The following GOLM2 variants were observed in gnomAD, a reference collection of about 807,000 sequenced individuals.
GOLM2 encodes the protein protein GOLM2.
In GOLM2, 26 loss-of-function variants were observed where a neutral mutation model predicts 55.9. That is an observed-to-expected ratio of 0.47 (90% CI 0.34 to 0.65). The LOEUF (loss-of-function observed/expected upper bound fraction) is 0.65, where lower values mean the gene tolerates loss of function less well. GOLM2 is among the 30% of genes least tolerant of loss of function. The probability of loss-of-function intolerance (pLI) is 0.01; values close to 1 mark genes in which losing one functional copy is unlikely to be tolerated. For missense variants in GOLM2, 486 were observed against 531.8 expected, an observed-to-expected ratio of 0.91 and a Z score of 0.85; for synonymous variants, 165 against 194.6, an observed-to-expected ratio of 0.85 and a Z score of 1.27.
intron 6 of GOLM2, among the ~76,000 whole-genome samples, chr15:44,345,054 G>T (rs528531689): frequency 1.6e-4 from 24 of 151,198 alleles, no homozygotes; most frequent in African/African-American, 5.6e-4. Flanking sequence ...CTCGTGATCC[G>T]CCTGCCTCGG....
chr15:44,371,742 C>T (rs1329111936), intron 6 of GOLM2, among the ~76,000 whole-genome samples: 1 of 152,098 alleles, frequency 6.6e-6, no homozygotes, highest in Non-Finnish European at 1.5e-5. Context: ...CTCTGAAGTG[C>T]AAGTCAACTA....
At chr15:44,335,386 C>T (rs2079049920) in intron 4 of GOLM2, among the ~76,000 whole-genome samples, 1 of 152,060 alleles carries the variant, frequency 6.6e-6, no homozygotes, top group Non-Finnish European at 1.5e-5. Flanking sequence ...TTAATATTGT[C>T]CATTCATAGA....
chr15:44,303,840 A>G (rs1183012296), intron 1 of GOLM2, among the ~76,000 whole-genome samples: 1 of 151,192 alleles, frequency 6.6e-6, no homozygotes, highest in Non-Finnish European at 1.5e-5. Context: ...GGTTCAAGCA[A>G]TTCTCGTGCC....
intron 1 of GOLM2, among the ~76,000 whole-genome samples, chr15:44,297,324 A>G (rs2078763103): frequency 6.6e-6 from 1 of 152,188 alleles, no homozygotes; most frequent in Admixed American, 6.5e-5. Flanking sequence ...CACTGACTAC[A>G]TCAGGTTAGA....
chr15:44,371,143 C>A (rs566998269), intron 6 of GOLM2, among the ~76,000 whole-genome samples: 21 of 152,328 alleles, frequency 1.4e-4, no homozygotes, highest in Admixed American at 5.9e-4. Context: ...TCCTTTCCTG[C>A]AAATTCTAGC....
chr15:44,325,468 T>C (rs2078975032), intron 2 of GOLM2, among the ~76,000 whole-genome samples: 1 of 152,184 alleles, frequency 6.6e-6, no homozygotes, highest in African/African-American at 2.4e-5. Flanking sequence ...CCAAGAATCT[T>C]AAAATCATAC....
intron 6 of GOLM2, among the ~76,000 whole-genome samples, chr15:44,340,481 C>T (rs2079084200): frequency 6.6e-6 from 1 of 152,150 alleles, no homozygotes; most frequent in African/African-American, 2.4e-5. Flanking sequence ...TACTCTTTAA[C>T]TCCAGTCTTC....
At chr15:44,363,567 G>T (rs2079259003) in intron 6 of GOLM2, among the ~76,000 whole-genome samples, 1 of 152,184 alleles carries the variant, frequency 6.6e-6, no homozygotes, top group African/African-American at 2.4e-5. Context: ...AGGATGTGGA[G>T]AAATAGGAAC....
At chr15:44,308,637 C>A (rs1460340350) in intron 1 of GOLM2, 1 of 152,004 alleles carries the variant, frequency 6.6e-6, no homozygotes, top group Admixed American at 6.6e-5. Flanking sequence ...AGGTCTCTTT[C>A]TGTCACCTAG....
At chr15:44,304,313 C>T (rs1017333629) in intron 1 of GOLM2, among the ~76,000 whole-genome samples, 2 of 140,202 alleles carry the variant, frequency 1.4e-5, no homozygotes, top group Admixed American at 7.7e-5. Context: ...ATGATCTCGG[C>T]TCACTGCAGC....
At chr15:44,411,094 T>C (rs2079636013) in intron 9 of GOLM2, among the ~76,000 whole-genome samples, 1 of 149,572 alleles carries the variant, frequency 6.7e-6, no homozygotes, top group South Asian at 2.1e-4. Context: ...TGATCTCTGC[T>C]TACTGCAACC....
In GOLM2 at chr15:44,402,870, C is replaced by T. The variant is rs2079574506; in HGVS notation, c.1073-17C>T. 2 of 1,612,382 alleles carry T rather than the reference C, an allele frequency of 1.2e-6. No homozygotes were observed. Among genetic ancestry groups the T allele is most frequent in the African/African-American group, 1.3e-5 (1 of 74,854 alleles). ...TTCTCTCTTTACTCTTGAATTAATC[C>T]TCTACCTACTTCACAGGCCGATTCT... On this transcript the variant is annotated splice_polypyrimidine_tract_variant and intron_variant, in intron 8 of 9. Transcript: ENST00000299957.
intron 6 of GOLM2, among the ~76,000 whole-genome samples, chr15:44,362,465 C>T (rs1357303296): frequency 2.0e-5 from 3 of 150,630 alleles, no homozygotes; most frequent in African/African-American, 2.4e-5. Context: ...GAATAAAATA[C>T]CTAGGAATCC....
intron 6 of GOLM2, chr15:44,348,441 G>A (rs1421122549): frequency 6.6e-6 from 1 of 152,190 alleles, no homozygotes; most frequent in Admixed American, 6.5e-5. Context: ...CCATGGGCCT[G>A]TGGTAGTGGT....
At chr15:44,314,152 G>A (rs1299984991) in intron 1 of GOLM2, among the ~76,000 whole-genome samples, 2 of 151,732 alleles carry the variant, frequency 1.3e-5, no homozygotes, top group East Asian at 3.9e-4. Context: ...CAGGAGAATG[G>A]CATGAACCCA....
intron 3 of GOLM2, among the ~76,000 whole-genome samples, chr15:44,330,559 T>A (rs1030622314): frequency 6.7e-6 from 1 of 148,674 alleles, no homozygotes; most frequent in Non-Finnish European, 1.5e-5. Context: ...TAAAAATGTC[T>A]ATGCAAAAAA....
At chr15:44,409,142 G>A (rs187379824) in intron 9 of GOLM2, among the ~76,000 whole-genome samples, 131 of 151,298 alleles carry the variant, frequency 8.7e-4, no homozygotes, top group African/African-American at 3.0e-3. Flanking sequence ...AAATTAGCCG[G>A]GCGTGATGGC....
intron 1 of GOLM2, among the ~76,000 whole-genome samples, chr15:44,298,054 A>AGAGATG (rs1230526266): frequency 6.6e-6 from 1 of 150,630 alleles, no homozygotes; most frequent in Non-Finnish European, 1.5e-5. Flanking sequence ...TATTTTTAAT[A>AGAGATG]GAGATGGGGT....
intron 9 of GOLM2, among the ~76,000 whole-genome samples, chr15:44,409,151 G>A (rs1304492658): frequency 6.6e-6 from 1 of 151,520 alleles, no homozygotes; most frequent in Non-Finnish European, 1.5e-5. Context: ...GGGCGTGATG[G>A]CGGGCACCCG....
Sources: gnomAD v4.1 joint callset for allele counts (sites outside exome capture counted in the v4.1 genomes callset) on GRCh38, gnomAD v4.1.1 for gene constraint, MANE v1.5 for transcripts, NCBI Gene and HGNC (gene_info 2026-07-23, HGNC 2026-07-21) for gene names.